ATAD3B: variants seen among roughly 807,000 people sequenced by gnomAD.
The protein encoded by ATAD3B is ATPase family AAA domain containing 3B.
In ATAD3B, 59 loss-of-function variants were observed where a neutral mutation model predicts 70.2. The observed-to-expected ratio is 0.84, with a 90% confidence interval of 0.68 to 1.04. The LOEUF (loss-of-function observed/expected upper bound fraction) is 1.04, where lower values mean the gene tolerates loss of function less well. Among genes scored for constraint, ATAD3B ranks in the 50% least tolerant of loss-of-function variants. The pLI, the probability that ATAD3B is intolerant of heterozygous loss-of-function variation, is 0.00. For synonymous variants in ATAD3B, 423 were observed against 388.6 expected (o/e 1.09, Z -1.04); for missense variants, 961 against 913.4 (o/e 1.05, Z -0.67).
rs570789030 is a variant in ATAD3B, at chr1:1,495,492, C to T, written c.1622C>T (p.Ala541Val). 53 of 1,606,070 alleles carry T rather than the reference C, an allele frequency of 3.3e-5. 2 individuals carry two copies. In the South Asian group the frequency reaches 3.4e-4, roughly 10 times the overall value. ...AQLAVSWQAT[A>V]YASKDGVLTE... ...TCCCTCTCTCTTCACTAGGCCACGGCATATGCCTCCAAGGACGGGGTCCTC... is the reference window on the plus strand; with the variant it reads ...TCCCTCTCTCTTCACTAGGCCACGGTATATGCCTCCAAGGACGGGGTCCTC... The change falls in exon 16 of 16, where the codon GCA becomes GTA. Residue 541 changes from alanine (A) to valine (V), a missense_variant. Around this residue, in one of 4 missense-constraint regions of ATAD3B, gnomAD observed 417 missense variants for 335.0 expected, o/e 1.24. Transcript: ENST00000673477.
chr1:1,472,060 CCAAGGCGGCGCGCGAG>C lies in ATAD3B; in HGVS notation c.178_193del (p.Lys60TrpfsTer11), dbSNP rs1639351750. Reference sequence around the variant, plus strand: ...GACCCCACCGGCCTGGAGCGCGCCGCCAAGGCGGCGCGCGAGCTGGAGCACTCGCGTGAGTGCGGCG... The same window carrying C: ...GACCCCACCGGCCTGGAGCGCGCCGCCTGGAGCACTCGCGTGAGTGCGGCG... On this transcript the variant is annotated frameshift_variant, in exon 1 of 16. Coordinates refer to ENST00000673477, the MANE Select transcript of ATAD3B (RefSeq NM_031921.6). LOFTEE classifies it high-confidence loss of function. 1 of 1,219,446 alleles carries C rather than the reference CCAAGGCGGCGCGCGAG, an allele frequency of 8.2e-7. No individual in the cohort carries two copies. The highest frequency in any genetic ancestry group is 4.0e-5 in the South Asian group (1 of 25,086). 75.5% of individuals were successfully genotyped at this position (1,219,446 alleles called of 1,614,324 possible). A position where few individuals can be genotyped will look rare whatever the true frequency, so the allele number is the denominator to read the frequency against.
rs919248205 is a variant in ATAD3B at position 1,486,048 on chromosome 1, CCT to C, written c.964-61_964-60del. ...TCCGCACCCGGGCATTCCCGCAGCC[CCT>C]GTCACCGAGGCTTCCGTGGGTGCAG... On this transcript the variant is annotated intron_variant, in intron 9 of 15. Transcript: ENST00000673477. 945 of 1,610,430 alleles carry C rather than the reference CCT, an allele frequency of 5.9e-4. 19 individuals carry two copies. Among genetic ancestry groups the C allele is most frequent in the Non-Finnish European group, 7.0e-4 (823 of 1,178,378 alleles).
rs921073647 is a variant in ATAD3B, at chr1:1,497,396, A to G, written c.*1579A>G. 2.0e-5 allele frequency: 3 copies of G among 148,874 alleles called. No homozygotes were observed. Among genetic ancestry groups the G allele is most frequent in the East Asian group, 4.0e-4 (2 of 5,026 alleles). 9.2% of individuals were successfully genotyped at this position (148,874 alleles called of 1,614,324 possible). ...GAGGCGTGCACCACCACGCCCGCTA[A>G]TGCTAAAAATTTGTTGTAGAGACCG... On this transcript the variant is annotated 3_prime_UTR_variant, in exon 16 of 16. Transcript: ENST00000673477.
chr1:1,475,720 C>T, intron 1 of ATAD3B, among the ~76,000 whole-genome samples: 1 of 151,850 alleles, frequency 6.6e-6, no homozygotes, highest in East Asian at 1.9e-4. Flanking sequence ...GGTGTGAATT[C>T]ACGCGCTGGG....
At position 1,485,000 on chromosome 1, in the gene ATAD3B, G is replaced by A. The variant is rs369867994; in HGVS notation, c.751-16G>A. ...ACGGTGGGGGCCGGTGCGCCAGTGC[G>A]GTGTCTCTGCTGCAGGTGGCTGGGC... On this transcript the variant is annotated splice_polypyrimidine_tract_variant and intron_variant, in intron 7 of 15. Coordinates refer to ENST00000673477, the MANE Select transcript of ATAD3B (RefSeq NM_031921.6). The A allele has an allele frequency of 9.6e-5, 153 of 1,598,510 alleles. 1 individual carries two copies. The African/African-American group carries it at 1.5e-3, about 15-fold the overall frequency.
At position 1,497,105 on chromosome 1, in the gene ATAD3B, T is replaced by G. The variant is rs111691241; in HGVS notation, c.*1288T>G. 17,294 of 150,314 alleles carry G rather than the reference T, an allele frequency of 0.12. 1,161 individuals carry two copies. The highest frequency in any genetic ancestry group is 0.16 in the East Asian group (811 of 5,056). The allele number at this position is 150,314 out of a possible 1,614,324, so 9.3% of individuals were successfully genotyped here. ...GAAGAGGAGCCTGGGCACGCAACGG[T>G]CCCATCGGAGAGCAGACCCCTCGGA... On this transcript the variant is annotated 3_prime_UTR_variant, in exon 16 of 16. Transcript: ENST00000673477.
At chr1:1,489,345 G>C (rs1640404606) in intron 13 of ATAD3B, 71 bp downstream of exon 13, 2 of 1,605,820 alleles carry the variant, frequency 1.2e-6, no homozygotes, top group African/African-American at 2.7e-5. Context: ...TCCCACTGAG[G>C]GTCCCTGGCT....
At chr1:1,487,195 A>G (rs1180581655) in intron 11 of ATAD3B, among the ~76,000 whole-genome samples, 6 of 152,028 alleles carry the variant, frequency 3.9e-5, no homozygotes, top group African/African-American at 1.4e-4. Context: ...TTCACTTTAG[A>G]AGACCTGTCC....
chr1:1,494,208 T>C (rs1640667379), intron 15 of ATAD3B, among the ~76,000 whole-genome samples: 1 of 151,782 alleles, frequency 6.6e-6, no homozygotes, highest in East Asian at 1.9e-4. Flanking sequence ...GGAGGCCACG[T>C]GACATTTAGC....
chr1:1,486,037 T>A (rs554021946), intron 9 of ATAD3B, 73 bp from the exon 10 acceptor site: 1 of 1,607,864 alleles, frequency 6.2e-7, no homozygotes, highest in South Asian at 1.1e-5. Context: ...CACCCGGGCA[T>A]TCCCGCAGCC....
rs1220814551 is a variant in ATAD3B at position 1,490,613 on chromosome 1, C to T, written c.1556C>T (p.Ala519Val). The change falls in exon 15 of 16, where the codon GCT (alanine) becomes GTT (valine). Residue 519 changes from alanine to valine, a missense_variant. Transcript: ENST00000673477. ...FDYGRKCSEV[A>V]RLTEGMSGRE... is the part of the protein sequence containing the mutation. ...TACGGGAGGAAGTGCTCGGAGGTCGCTCGGCTGACGGAGGGCATGTCGGGC... is the reference window on the plus strand; with the variant it reads ...TACGGGAGGAAGTGCTCGGAGGTCGTTCGGCTGACGGAGGGCATGTCGGGC... 6 of 1,608,462 alleles carry T rather than the reference C, an allele frequency of 3.7e-6. No homozygotes were observed. Among genetic ancestry groups the T allele is most frequent in the Non-Finnish European group, 2.5e-6 (3 of 1,178,104 alleles).
At chr1:1,494,606 C>T (rs1214768184) in intron 15 of ATAD3B, among the ~76,000 whole-genome samples, 1 of 151,924 alleles carries the variant, frequency 6.6e-6, no homozygotes, top group Non-Finnish European at 1.5e-5. Context: ...GCAGAGGGGA[C>T]GGGCACCACG....
intron 1 of ATAD3B, among the ~76,000 whole-genome samples, chr1:1,476,228 T>A (rs1639581374): frequency 6.7e-6 from 1 of 148,182 alleles, no homozygotes; most frequent in Non-Finnish European, 1.5e-5. Context: ...AGTTCGTGCC[T>A]AACCACAGGC....
chr1:1,485,836 A>T lies in ATAD3B; in HGVS notation c.961A>T (p.Ser321Cys), dbSNP rs937396164. 3.7e-6 allele frequency: 6 copies of T among 1,612,770 alleles called. No individual in the cohort carries two copies. The African/African-American group carries it at 8.0e-5, about 22-fold the overall frequency. The part of the protein sequence containing the change: ...PQDVLEGVVL[S>C]PSLEARVRDI... ...GGACGTGCTGGAGGGTGTTGTGCTT[A>T]GTGTAAGTCGGTGTGCCTGGGACCG... The change falls in exon 9 of 16, where the codon AGT becomes TGT. Residue 321 changes from serine (S) to cysteine (C), a missense_variant and splice_region_variant. Transcript: ENST00000673477.
chr1:1,487,810 T>C, intron 11 of ATAD3B, 53 bp from the exon 12 acceptor site: 1 of 1,602,736 alleles, frequency 6.2e-7, no homozygotes, highest in Non-Finnish European at 8.5e-7. Context: ...GACGCTGCTG[T>C]GGGCTGCTCC....
chr1:1,486,083 C>G, intron 9 of ATAD3B, 27 bp from the exon 10 acceptor site: 1 of 1,612,744 alleles, frequency 6.2e-7, no homozygotes, highest in East Asian at 2.2e-5. Flanking sequence ...CAGAGTGTCT[C>G]CCCCAAACCC....
At chr1:1,492,863 C>T (rs764278730) in intron 15 of ATAD3B, among the ~76,000 whole-genome samples, 11 of 151,018 alleles carry the variant, frequency 7.3e-5, no homozygotes, top group East Asian at 3.9e-4. Flanking sequence ...CGCTTGAACC[C>T]GGGAGGTGGA....
chr1:1,489,998 G>C, intron 13 of ATAD3B: 1 of 1,331,480 alleles, frequency 7.5e-7, no homozygotes, highest in Non-Finnish European at 9.7e-7. Flanking sequence ...CTATCAGGCT[G>C]GGCGAGGGTC....
At chr1:1,503,464 C>G in the ATAD3B span, 1 of 863,076 alleles carries the variant, frequency 1.2e-6, no homozygotes, top group Admixed American at 2.1e-5. Context: ...GGAGGCAGGG[C>G]TGGGGGCTTT....
Sources: allele counts gnomAD v4.1 joint callset (sites outside exome capture counted in the v4.1 genomes callset), GRCh38; gene constraint gnomAD v4.1.1; regional missense constraint gnomAD v4.1.1; transcripts MANE v1.5; gene names NCBI Gene and HGNC (gene_info 2026-07-23, HGNC 2026-07-21).